The following THUMPD2 variants were observed in gnomAD, a reference collection of about 807,000 sequenced individuals.
The protein encoded by THUMPD2 is THUMP domain 2 tRNA and snRNA guanosine methyltransferase.
Under a neutral mutation model 49.4 loss-of-function variants are expected in THUMPD2, and 56 were observed. That is an observed-to-expected ratio of 1.13 (90% CI 0.91 to 1.41). The LOEUF is 1.41. THUMPD2 is among the 40% of genes most tolerant of loss of function. The probability of loss-of-function intolerance (pLI) is 0.00; values close to 1 mark genes in which losing one functional copy is unlikely to be tolerated. For missense variants in THUMPD2, 709 were observed against 594.5 expected (o/e 1.19, Z -2.00); for synonymous variants, 237 against 205.2 (o/e 1.15, Z -1.32).
chr2:39,769,185 A>G (rs1228407577), intron 3 of THUMPD2: 2 of 987,058 alleles, frequency 2.0e-6, no homozygotes, highest in Admixed American at 3.2e-5. Context: ...CCAAATACAA[A>G]GGACATCTGT....
intron 5 of THUMPD2, among the ~76,000 whole-genome samples, chr2:39,765,356 C>T (rs1677374197): frequency 6.6e-6 from 1 of 152,092 alleles, no homozygotes; most frequent in Non-Finnish European, 1.5e-5. Flanking sequence ...GACGGGACTT[C>T]ACCATGTTGG....
At chr2:39,766,030 G>T (rs766112593) in intron 5 of THUMPD2, 27 bp downstream of exon 5, 1 of 1,555,628 alleles carries the variant, frequency 6.4e-7, no homozygotes, top group Non-Finnish European at 8.7e-7. Flanking sequence ...TGTCTTATGG[G>T]ACAAACCGGA....
At chr2:39,764,349 TATG>T (rs751167042) in intron 5 of THUMPD2, among the ~76,000 whole-genome samples, 1 of 152,208 alleles carries the variant, frequency 6.6e-6, no homozygotes, top group Non-Finnish European at 1.5e-5. Context: ...AGCAGAGAAA[TATG>T]ATAACTTGCC....
chr2:39,766,192 C>T, intron 4 of THUMPD2, 83 bp from the exon 5 acceptor site: 1 of 976,522 alleles, frequency 1.0e-6, no homozygotes, highest in Non-Finnish European at 1.5e-6. Context: ...CCATTTTAAA[C>T]TTACATGATC....
At chr2:39,762,189 C>T (rs774190313) in intron 5 of THUMPD2, among the ~76,000 whole-genome samples, 22 of 152,114 alleles carry the variant, frequency 1.4e-4, no homozygotes, top group Admixed American at 3.9e-4. Context: ...TGGTAAGGTA[C>T]GAAGACATGA....
At chr2:39,761,595 C>A (rs938954668) in intron 5 of THUMPD2, among the ~76,000 whole-genome samples, 177 bp from the exon 6 acceptor site, 33 of 152,156 alleles carry the variant, frequency 2.2e-4, no homozygotes, top group African/African-American at 7.7e-4. Flanking sequence ...CTAATGGGCA[C>A]CTTGTCTACC....
chr2:39,767,974 G>A (rs1270114887), intron 4 of THUMPD2, among the ~76,000 whole-genome samples: 1 of 152,042 alleles, frequency 6.6e-6, no homozygotes, highest in East Asian at 1.9e-4. Flanking sequence ...TAAAAATACT[G>A]TAACCTTATT....
intron 6 of THUMPD2, among the ~76,000 whole-genome samples, chr2:39,759,181 GTAGTT>G (rs1204250535): frequency 6.6e-6 from 1 of 151,916 alleles, no homozygotes; most frequent in African/African-American, 2.4e-5. Flanking sequence ...GAAAAAGAGA[GTAGTT>G]TAAAGTTAAA....
At chr2:39,745,540 G>T (rs995706005) in intron 8 of THUMPD2, among the ~76,000 whole-genome samples, 2 of 152,074 alleles carry the variant, frequency 1.3e-5, no homozygotes, top group African/African-American at 4.8e-5. Flanking sequence ...AATAGACAAC[G>T]AAGGCAACCA....
At chr2:39,760,401 G>A (rs1431832897) in intron 6 of THUMPD2, among the ~76,000 whole-genome samples, 1 of 151,938 alleles carries the variant, frequency 6.6e-6, no homozygotes, top group African/African-American at 2.4e-5. Context: ...GGACTGTAAT[G>A]GAATAGAACA....
rs189778966 is a variant in THUMPD2 at position 39,736,471 on chromosome 2, G to A, written c.*264C>T. 6 of 323,364 alleles carry A rather than the reference G, an allele frequency of 1.9e-5. No homozygotes were observed. The Admixed American group carries it at 2.7e-4, about 14-fold the overall frequency. The allele number at this position is 323,364 out of a possible 1,614,324, so 20.0% of individuals were successfully genotyped here. A position where few individuals can be genotyped will look rare whatever the true frequency, so the allele number is the denominator to read the frequency against. Reference sequence around the variant, plus strand: ...AAATTGAAGTTTTTGCTCAGAAACTGGGCAGAACTTTTCACATTCTGACAG... The same window carrying A: ...AAATTGAAGTTTTTGCTCAGAAACTAGGCAGAACTTTTCACATTCTGACAG... On this transcript the variant is annotated 3_prime_UTR_variant, in exon 10 of 10. Transcript: ENST00000505747.
chr2:39,778,307 T>A (rs1300999528), intron 1 of THUMPD2, among the ~76,000 whole-genome samples: 2 of 152,234 alleles, frequency 1.3e-5, no homozygotes, highest in Non-Finnish European at 1.5e-5. Flanking sequence ...AAAACACAAG[T>A]GGCAGGTAGT....
intron 1 of THUMPD2, among the ~76,000 whole-genome samples, chr2:39,773,493 AGC>A (rs2148347943): frequency 6.7e-6 from 1 of 150,078 alleles, no homozygotes; most frequent in Admixed American, 6.6e-5. Flanking sequence ...CATCAAGGGA[AGC>A]ATTTTATCCG....
intron 7 of THUMPD2, 95 bp downstream of exon 7, chr2:39,755,783 AAAATAATCCCC>A: frequency 1.1e-6 from 1 of 914,002 alleles, no homozygotes. Context: ...CATATAATTA[AAAATAATCCCC>A]AAATAGACAT....
chr2:39,760,292 C>T (rs1423962586), intron 6 of THUMPD2, among the ~76,000 whole-genome samples: 1 of 151,982 alleles, frequency 6.6e-6, no homozygotes, highest in Non-Finnish European at 1.5e-5. Context: ...AATTGGAGTG[C>T]CTTGGTAAAA....
intron 5 of THUMPD2, among the ~76,000 whole-genome samples, chr2:39,763,555 G>T (rs1390640824): frequency 6.6e-6 from 1 of 151,950 alleles, no homozygotes; most frequent in Admixed American, 6.6e-5. Flanking sequence ...TTTACTAATT[G>T]TTCAAATCAG....
At chr2:39,764,274 G>C (rs1326404154) in intron 5 of THUMPD2, among the ~76,000 whole-genome samples, 1 of 152,072 alleles carries the variant, frequency 6.6e-6, no homozygotes, top group Non-Finnish European at 1.5e-5. Flanking sequence ...ATTTTCACGT[G>C]GGTTATCTCA....
intron 9 of THUMPD2, among the ~76,000 whole-genome samples, chr2:39,743,004 G>A (rs1400498504): frequency 2.6e-5 from 4 of 152,132 alleles, no homozygotes; most frequent in Non-Finnish European, 5.9e-5. Context: ...AGCAGGGAAA[G>A]TTGCTTAGAA....
intron 4 of THUMPD2, among the ~76,000 whole-genome samples, chr2:39,767,029 A>C (rs1236872317): frequency 6.6e-6 from 1 of 152,202 alleles, no homozygotes; most frequent in African/African-American, 2.4e-5. Context: ...AGCCTCTCCC[A>C]CTATAAATGT....
Sources: gnomAD v4.1 joint callset for allele counts (sites outside exome capture counted in the v4.1 genomes callset) on GRCh38, gnomAD v4.1.1 for gene constraint, MANE v1.5 for transcripts, NCBI Gene and HGNC (gene_info 2026-07-23, HGNC 2026-07-21) for gene names.